SLC35F2: variants seen among roughly 807,000 people sequenced by gnomAD.
SLC35F2 encodes queuine/queuosine transporter SLC35F2.
SLC35F2 carries 25 observed loss-of-function variants against 38.1 expected under a neutral mutation model. The ratio of observed to expected loss-of-function variants is 0.66; its 90% CI spans 0.48 to 0.92. SLC35F2 has a LOEUF of 0.92. SLC35F2 is among the 40% of genes least tolerant of loss of function. The pLI is 0.00. For synonymous variants in SLC35F2, 173 were observed against 181.7 expected, an observed-to-expected ratio of 0.95 and a Z score of 0.38; for missense variants, 409 against 452.9, an observed-to-expected ratio of 0.90 and a Z score of 0.88.
Position 107,811,630 on chromosome 11 carries a change from C to T in SLC35F2, c.414+37G>A, listed in dbSNP as rs1859481102. 4 of 1,554,076 alleles carry T rather than the reference C, an allele frequency of 2.6e-6. No individual in the cohort carries two copies. The African/African-American group carries it at 5.5e-5, about 21-fold the overall frequency. On this transcript the variant is annotated intron_variant, in intron 3 of 7. Coordinates refer to ENST00000525815, the MANE Select transcript of SLC35F2 (RefSeq NM_017515.5). Reference sequence around the variant, plus strand: ...ATGACTTCGTGTTCTTCTTTTGAAGCTATAAAATCCAAAGTGGTCAGAGGG... The same window carrying T: ...ATGACTTCGTGTTCTTCTTTTGAAGTTATAAAATCCAAAGTGGTCAGAGGG...
chr11:107,816,304 C>A lies in SLC35F2; in HGVS notation c.111-339G>T, dbSNP rs563457190. 92 of 982,724 alleles carry A rather than the reference C, an allele frequency of 9.4e-5. No homozygotes were observed. The African/African-American group carries it at 1.6e-3, about 17-fold the overall frequency. 60.9% of individuals were successfully genotyped at this position (982,724 alleles called of 1,614,324 possible). On this transcript the variant is annotated intron_variant, in intron 1 of 7. Transcript: ENST00000525815. ...TGTGTATGACTTTTTTTTTTTGAGA[C>A]AGGGTCTTGTTCTATTGCTCAGGCT...
chr11:107,842,285 ATT>A (rs1325112645), intron 1 of SLC35F2, among the ~76,000 whole-genome samples: 2,399 of 142,730 alleles, frequency 0.017, no homozygotes, highest in Non-Finnish European at 0.021. Flanking sequence ...AAAAAAAAAA[ATT>A]AAAGCTTGAC....
intron 1 of SLC35F2, among the ~76,000 whole-genome samples, chr11:107,825,114 A>G (rs1192847452): frequency 3.3e-5 from 5 of 152,252 alleles, no homozygotes. Context: ...GAAATGTTTG[A>G]AAAGTAGTTC....
intron 7 of SLC35F2, among the ~76,000 whole-genome samples, chr11:107,800,930 C>T (rs904563617): frequency 9.1e-4 from 104 of 114,692 alleles, no homozygotes; most frequent in Middle Eastern, 0.011. Context: ...TTTTTTGAGA[C>T]GGAGTTGCTC....
At chr11:107,807,552 ATATCTTT>A (rs1859414581) in intron 3 of SLC35F2, among the ~76,000 whole-genome samples, 1 of 146,314 alleles carries the variant, frequency 6.8e-6, no homozygotes, top group South Asian at 2.2e-4. Flanking sequence ...CCACCTGTGT[ATATCTTT>A]TCTTTTATTT....
intron 7 of SLC35F2, among the ~76,000 whole-genome samples, chr11:107,801,619 C>G (rs1170160072): frequency 8.3e-6 from 1 of 120,164 alleles, no homozygotes; most frequent in Non-Finnish European, 1.7e-5. Flanking sequence ...GATCAGCAAG[C>G]CCTGGATCTA....
At chr11:107,805,618 AAAG>A (rs768207442) in intron 4 of SLC35F2, 103 bp from the exon 5 acceptor site, 42 of 1,468,042 alleles carry the variant, frequency 2.9e-5, no homozygotes, top group African/African-American at 4.3e-5. Flanking sequence ...AAATGACACT[AAAG>A]AAGAAGAAAC....
chr11:107,809,873 A>AG, intron 3 of SLC35F2: 1 of 985,392 alleles, frequency 1.0e-6, no homozygotes. Flanking sequence ...ACTGCATTCT[A>AG]GGAAGAACAG....
chr11:107,803,310 G>C (rs1195408440), intron 6 of SLC35F2, 155 bp from the exon 7 acceptor site: 1 of 980,442 alleles, frequency 1.0e-6, no homozygotes, highest in Admixed American at 6.2e-5. Context: ...AGACCATAAA[G>C]CTCTCTCGAA....
At chr11:107,816,166 C>A (rs1859571076) in intron 1 of SLC35F2, 1 of 985,154 alleles carries the variant, frequency 1.0e-6, no homozygotes, top group African/African-American at 1.7e-5. Context: ...TTTTTCTGAT[C>A]CCCTCCATTC....
chr11:107,825,662 G>A (rs1859744230), intron 1 of SLC35F2, among the ~76,000 whole-genome samples: 1 of 152,026 alleles, frequency 6.6e-6, no homozygotes, highest in Non-Finnish European at 1.5e-5. Context: ...GAGCCACCGC[G>A]CCCGACCTGA....
At position 107,791,531 on chromosome 11, in the gene SLC35F2, A is replaced by AGAGT. The variant is rs1280290403; in HGVS notation, c.*1080_*1083dup. 3 of 152,232 alleles carry AGAGT rather than the reference A, an allele frequency of 2.0e-5. No individual in the cohort carries two copies. The highest frequency in any genetic ancestry group is 7.2e-5 in the African/African-American group (3 of 41,444). The allele number at this position is 152,232 out of a possible 1,614,324, so 9.4% of individuals were successfully genotyped here. ...AGTGTCACAGGCTCCGAGAGCAGAG[A>AGAGT]GAGTTTGCTCTGGGACCTGGAATGA... On this transcript the variant is annotated 3_prime_UTR_variant, in exon 8 of 8. Coordinates refer to ENST00000525815, the MANE Select transcript of SLC35F2 (RefSeq NM_017515.5).
intron 1 of SLC35F2, among the ~76,000 whole-genome samples, chr11:107,844,335 GT>G: frequency 6.6e-6 from 1 of 152,016 alleles, no homozygotes; most frequent in East Asian, 1.9e-4. Flanking sequence ...GCCGCAGAAA[GT>G]TATTATAAGG....
At chr11:107,853,174 T>C (rs1037403373) in intron 1 of SLC35F2, among the ~76,000 whole-genome samples, 10 of 152,178 alleles carry the variant, frequency 6.6e-5, no homozygotes, top group Non-Finnish European at 8.8e-5. Context: ...GGAAAACTCA[T>C]TCAGGCTTCA....
chr11:107,829,279 C>T (rs1422878846), intron 1 of SLC35F2, among the ~76,000 whole-genome samples: 1 of 151,914 alleles, frequency 6.6e-6, no homozygotes, highest in East Asian at 1.9e-4. Flanking sequence ...ATTAGCCAGG[C>T]ATGGTGGCAG....
In SLC35F2 at chr11:107,815,840, T is replaced by C. The variant is rs148572163; in HGVS notation, c.236A>G (p.Asn79Ser). 7.6e-5 allele frequency: 122 copies of C among 1,613,820 alleles called. No individual in the cohort carries two copies. The African/African-American group carries it at 9.5e-4, about 13-fold the overall frequency. Residue 79 changes from asparagine (N) to serine (S), a missense_variant, in exon 2 of 8, where the codon AAT becomes AGT. Coordinates refer to ENST00000525815, the MANE Select transcript of SLC35F2 (RefSeq NM_017515.5). Reference protein sequence around the residue: ...VNTPMLQSFINYCLLFLIYTV... With the variant: ...VNTPMLQSFISYCLLFLIYTV... ...ATAAATTAGGAACAGCAAGCAATAA[T>C]TGATAAAGCTCTGAAGCATGGGGGT...
intron 3 of SLC35F2, chr11:107,810,686 G>A (rs1859466585): frequency 3.0e-6 from 3 of 984,710 alleles, no homozygotes; most frequent in Non-Finnish European, 2.4e-6. Flanking sequence ...AATCCAAGAG[G>A]TTTCCTGAGA....
At chr11:107,851,262 CAA>C (rs1282616961) in intron 1 of SLC35F2, among the ~76,000 whole-genome samples, 13 of 117,736 alleles carry the variant, frequency 1.1e-4, no homozygotes, top group Non-Finnish European at 1.3e-4. Flanking sequence ...GATGCTGTCT[CAA>C]AAAAAAAAAA....
At chr11:107,812,093 T>TG (rs34293849) in intron 2 of SLC35F2, among the ~76,000 whole-genome samples, 9,322 of 151,966 alleles carry the variant, frequency 0.061, 336 homozygotes, top group East Asian at 0.15. Context: ...TTAGCAGAGA[T>TG]GGGGGTCTCA....
Sources: allele counts gnomAD v4.1 joint callset (sites outside exome capture counted in the v4.1 genomes callset), GRCh38; gene constraint gnomAD v4.1.1; transcripts MANE v1.5; gene names NCBI Gene and HGNC (gene_info 2026-07-23, HGNC 2026-07-21).